The following MTERF4 variants were observed in gnomAD, a reference collection of about 807,000 sequenced individuals.
MTERF4 encodes the protein mitochondrial transcription termination factor 4.
A neutral mutation model predicts 22.5 loss-of-function variants in MTERF4; 17 were observed. The ratio of observed to expected loss-of-function variants is 0.75; its 90% CI spans 0.52 to 1.13. MTERF4 has a LOEUF of 1.13. MTERF4 is among the 50% of genes most tolerant of loss of function. The probability of loss-of-function intolerance (pLI) is 0.00; values close to 1 mark genes in which losing one functional copy is unlikely to be tolerated. For synonymous variants in MTERF4, 165 were observed against 175.3 expected (o/e 0.94, Z 0.47); for missense variants, 420 against 466.8 (o/e 0.90, Z 0.92).
chr2:241,101,889 C>T (rs1408225938), intron 1 of MTERF4, among the ~76,000 whole-genome samples: 1 of 152,088 alleles, frequency 6.6e-6, no homozygotes, highest in Non-Finnish European at 1.5e-5. Flanking sequence ...CCCGTCTCTA[C>T]TAAAAATACA....
In MTERF4 at chr2:241,096,303, CCTT is replaced by C. The variant is rs2064418172; in HGVS notation, c.838_840del (p.Lys280del). 1.2e-6 allele frequency: 2 copies of C among 1,614,110 alleles called. No homozygotes were observed. The highest frequency in any genetic ancestry group is 1.7e-6 in the Non-Finnish European group (2 of 1,180,018). On this transcript the variant is annotated inframe_deletion, in exon 4 of 4. Coordinates refer to ENST00000391980, the MANE Select transcript of MTERF4 (RefSeq NM_182501.4). This position sits in a 1 kb window ranked among gnomAD's most constrained non-coding sequence, Gnocchi z 5.1. Reference sequence around the variant, plus strand: ...AATGGGTTAGGGATCTGTGTCTGCCCCTTCTTATCAGGGGTTTGGTACCGTCCC... The same window carrying C: ...AATGGGTTAGGGATCTGTGTCTGCCCCTTATCAGGGGTTTGGTACCGTCCC...
At chr2:241,048,623 C>T in the MTERF4 span, 3 of 1,552,168 alleles carry the variant, frequency 1.9e-6, no homozygotes, top group Non-Finnish European at 1.8e-6. Context: ...CATCTTTCTG[C>T]GCCCCCACAT....
At position 241,097,252 on chromosome 2, in the gene MTERF4, GTAT is replaced by G. The variant is rs1160468115; in HGVS notation, c.693_695del (p.Glu231_Tyr232delinsAsp). ...TATCAGTCATTCTCACCTGAAACTTGTATTCCAGTTGACCCAGGTCCTCTCGAA... is the reference window on the plus strand; with the variant it reads ...TATCAGTCATTCTCACCTGAAACTTGTCCAGTTGACCCAGGTCCTCTCGAA... On this transcript the variant is annotated inframe_deletion, in exon 3 of 4. Coordinates refer to ENST00000391980, the MANE Select transcript of MTERF4 (RefSeq NM_182501.4). 28 of 1,613,788 alleles carry G rather than the reference GTAT, an allele frequency of 1.7e-5. No homozygotes were observed. Among genetic ancestry groups the G allele is most frequent in the Non-Finnish European group, 2.2e-5 (26 of 1,179,934 alleles).
At chr2:241,052,258 G>T in the MTERF4 span, 1 of 1,431,506 alleles carries the variant, frequency 7.0e-7, no homozygotes, top group East Asian at 2.3e-5. Flanking sequence ...CCCTGGAGGC[G>T]CAGGAGGTGG....
downstream of MTERF4, chr2:241,069,067 C>G (rs1483037705): frequency 7.4e-6 from 10 of 1,359,156 alleles, no homozygotes; most frequent in African/African-American, 1.4e-5. This position sits in a 1 kb window ranked among gnomAD's most constrained non-coding sequence, Gnocchi z 4.9. Context: ...AGGCCGTCTT[C>G]TAGAAGCTCT....
the MTERF4 span, among the ~76,000 whole-genome samples, chr2:241,059,004 A>C: frequency 6.6e-6 from 1 of 152,182 alleles, no homozygotes; most frequent in Non-Finnish European, 1.5e-5. Flanking sequence ...ATCAGGAAAA[A>C]AAGAGAGAAA....
At chr2:241,098,908 C>T (rs2125386391) in intron 2 of MTERF4, among the ~76,000 whole-genome samples, 1 of 152,064 alleles carries the variant, frequency 6.6e-6, no homozygotes, top group East Asian at 1.9e-4. Context: ...CTTAACTCCT[C>T]CTCCTTCCCT....
the MTERF4 span, among the ~76,000 whole-genome samples, chr2:241,061,975 G>C: frequency 1.3e-5 from 2 of 152,182 alleles, no homozygotes; most frequent in Non-Finnish European, 2.9e-5. Flanking sequence ...TTATTCAGCA[G>C]TGAAAATCTA....
At chr2:241,065,421 G>T in the MTERF4 span, 1 of 1,613,064 alleles carries the variant, frequency 6.2e-7, no homozygotes. Flanking sequence ...GGTCACCTAC[G>T]TCTCCTCCGA....
Position 241,102,258 on chromosome 2 carries a change from G to T in MTERF4, c.16C>A (p.Arg6Ser), listed in dbSNP as rs770916374. 1.9e-6 allele frequency: 3 copies of T among 1,549,298 alleles called. No homozygotes were observed. Among genetic ancestry groups the T allele is most frequent in the Admixed American group, 2.0e-5 (1 of 51,082 alleles). Residue 6 changes from arginine to serine, a missense_variant, in exon 1 of 4, where the codon CGT becomes AGT. Transcript: ENST00000391980. ...CGCGCCCAGCTCGAGCTTACCTGACGGCCGAACGCAGCCATAGCGCGGAGA... is the reference window on the plus strand; with the variant it reads ...CGCGCCCAGCTCGAGCTTACCTGACTGCCGAACGCAGCCATAGCGCGGAGA... MAAFG[R>S]QVLDWHRLIP...
At chr2:241,082,979 T>TCCATTTAG (rs1381436792), downstream of MTERF4, among the ~76,000 whole-genome samples, 4 of 152,184 alleles carry the variant, frequency 2.6e-5, no homozygotes, top group Non-Finnish European at 4.4e-5. Flanking sequence ...CCGGGCACTG[T>TCCATTTAG]TCTAGATACT....
At chr2:241,052,338 T>A in the MTERF4 span, 11 of 1,562,100 alleles carry the variant, frequency 7.0e-6, no homozygotes, top group African/African-American at 1.5e-4. Context: ...GGCCAGGACC[T>A]TCCTGCATTC....
the MTERF4 span, among the ~76,000 whole-genome samples, chr2:241,061,236 A>C: frequency 1.3e-5 from 2 of 152,238 alleles, no homozygotes; most frequent in Non-Finnish European, 2.9e-5. Context: ...TCATGGAAGA[A>C]GAGATACAAA....
chr2:241,047,294 A>G, the MTERF4 span, among the ~76,000 whole-genome samples: 91 of 152,290 alleles, frequency 6.0e-4, 1 homozygote, highest in Middle Eastern at 0.01. Flanking sequence ...AGAGGGGTCA[A>G]TTCATCCAGA....
chr2:241,100,127 T>C (rs192093466), intron 1 of MTERF4: 29 of 470,550 alleles, frequency 6.2e-5, no homozygotes, highest in Non-Finnish European at 1.0e-4. Context: ...TATTGTTAGC[T>C]TTTGCAGCTT....
chr2:241,067,676 C>T (rs2062517981), downstream of MTERF4: 5 of 1,144,488 alleles, frequency 4.4e-6, no homozygotes, highest in Non-Finnish European at 6.2e-6. Context: ...CCCCCAGCAC[C>T]CTCCCAAGCC....
the MTERF4 span, among the ~76,000 whole-genome samples, chr2:241,045,343 C>T: frequency 6.6e-6 from 1 of 151,862 alleles, no homozygotes; most frequent in Non-Finnish European, 1.5e-5. Flanking sequence ...TTTAGAAAAC[C>T]AAAACAATTT....
At chr2:241,072,002 A>C, downstream of MTERF4, 1 of 866,154 alleles carries the variant, frequency 1.2e-6, no homozygotes, top group Non-Finnish European at 1.9e-6. Context: ...CCAGCCAGTG[A>C]CCCCCACCCC....
chr2:241,076,423 ATTAT>A (rs1373021587), intron 4 of MTERF4, among the ~76,000 whole-genome samples: 1 of 152,136 alleles, frequency 6.6e-6, no homozygotes, highest in Non-Finnish European at 1.5e-5. Flanking sequence ...ACTTTTCCTG[ATTAT>A]TTATTACTGG....
Sources: allele counts gnomAD v4.1 joint callset (sites outside exome capture counted in the v4.1 genomes callset), GRCh38; gene constraint gnomAD v4.1.1; non-coding constraint Gnocchi (gnomAD v3.1); transcripts MANE v1.5; gene names NCBI Gene and HGNC (gene_info 2026-07-23, HGNC 2026-07-21).